C1GALT1: variants seen among roughly 807,000 people sequenced by gnomAD.
C1GALT1 encodes the protein core 1 synthase, glycoprotein-N-acetylgalactosamine 3-beta-galactosyltransferase 1.
C1GALT1 carries 11 observed loss-of-function variants against 31.0 expected under a neutral mutation model. The observed-to-expected ratio is 0.36, with a 90% confidence interval of 0.22 to 0.59. C1GALT1 has a LOEUF of 0.59. Ranked by LOEUF, C1GALT1 falls within the 20% of genes least tolerant of loss-of-function variation. C1GALT1 has a pLI of 0.79. For missense variants in C1GALT1, 424 were observed against 425.2 expected (o/e 1.00, Z 0.03); for synonymous variants, 175 against 143.6 (o/e 1.22, Z -1.56).
At chr7:7,176,591 C>T (rs1357489230) in intron 2 of C1GALT1, among the ~76,000 whole-genome samples, 1 of 152,212 alleles carries the variant, frequency 6.6e-6, no homozygotes, top group Non-Finnish European at 1.5e-5. Context: ...TCAGTGCACA[C>T]GTGACAGTCT....
intron 2 of C1GALT1, among the ~76,000 whole-genome samples, chr7:7,165,625 C>G (rs1414991311): frequency 6.6e-6 from 1 of 152,040 alleles, no homozygotes. Flanking sequence ...GCATGTACTG[C>G]TATATCTTTT....
chr7:7,163,867 A>C (rs1312777256), intron 2 of C1GALT1, among the ~76,000 whole-genome samples: 1 of 151,562 alleles, frequency 6.6e-6, no homozygotes, highest in Admixed American at 6.6e-5. Flanking sequence ...GGAAGAATCA[A>C]TATCGTGAAA....
chr7:7,194,415 G>T (rs1469206455), intron 1 of C1GALT1, among the ~76,000 whole-genome samples: 3 of 152,082 alleles, frequency 2.0e-5, no homozygotes, highest in African/African-American at 7.2e-5. Context: ...TGCCTTTTCT[G>T]TGTCTATTGA....
rs754922077 is a variant in C1GALT1, at chr7:7,238,439, A to C, written c.405A>C (p.Lys135Asn). The change falls in exon 3 of 4, where the codon AAA becomes AAC. Residue 135 changes from lysine (K) to asparagine (N), a missense_variant. By Grantham distance (94) the Lys-to-Asn change is moderately conservative. This residue lies in a region of C1GALT1 where 189 missense variants were observed against 158.2 expected (regional missense o/e 1.19). Coordinates refer to ENST00000436587, the MANE Select transcript of C1GALT1 (RefSeq NM_020156.5). This position sits in a 1 kb window ranked among gnomAD's most constrained non-coding sequence, Gnocchi z 5.2. ...AAGACTTCCCTGCTGTGGGACTGAA[A>C]ACCAAAGAAGGCAGAGATCAACTAT... ...ENKDFPAVGL[K>N]TKEGRDQLYW... 6.2e-6 allele frequency: 10 copies of C among 1,613,802 alleles called. No individual in the cohort carries two copies. The highest frequency in any genetic ancestry group is 4.2e-6 in the Non-Finnish European group (5 of 1,179,970).
intron 2 of C1GALT1, among the ~76,000 whole-genome samples, chr7:7,236,262 C>G (rs1583832310): frequency 6.6e-6 from 1 of 152,176 alleles, no homozygotes; most frequent in East Asian, 1.9e-4. Flanking sequence ...CAGCCCATGC[C>G]CAGTACAAAG....
chr7:7,215,970 C>T (rs1331383859), intron 1 of C1GALT1, among the ~76,000 whole-genome samples: 1 of 151,996 alleles, frequency 6.6e-6, no homozygotes, highest in African/African-American at 2.4e-5. Context: ...AGATGATTTC[C>T]CTGAAAGTTA....
At chr7:7,202,178 C>T (rs1449209305) in intron 1 of C1GALT1, among the ~76,000 whole-genome samples, 1 of 152,216 alleles carries the variant, frequency 6.6e-6, no homozygotes, top group East Asian at 1.9e-4. Flanking sequence ...ATTGGGCACT[C>T]AGAGTTTTTT....
chr7:7,234,166 AG>A, intron 1 of C1GALT1, 136 bp from the exon 2 acceptor site: 1 of 646,914 alleles, frequency 1.5e-6, no homozygotes. Flanking sequence ...CAGCAAATAG[AG>A]GGGTAAACTC....
At chr7:7,159,879 G>T (rs1352107636) in intron 2 of C1GALT1, among the ~76,000 whole-genome samples, 1 of 152,036 alleles carries the variant, frequency 6.6e-6, no homozygotes, top group East Asian at 1.9e-4. Flanking sequence ...ACATGTAATG[G>T]AAGAAAAGGG....
chr7:7,190,126 G>GGAAA (rs1260545829), intron 1 of C1GALT1, among the ~76,000 whole-genome samples: 1 of 152,164 alleles, frequency 6.6e-6, no homozygotes, highest in Non-Finnish European at 1.5e-5. Flanking sequence ...GCACAGCAGA[G>GGAAA]GAAATGTCAG....
In C1GALT1 at chr7:7,167,462, A is replaced by C. The variant is rs555991628; in HGVS notation, c.-18+10036A>C. Among the ~76,000 whole-genome samples the C allele has an allele frequency of 6.6e-5, 10 of 152,314 alleles. No individual in the cohort carries two copies. The South Asian group carries it at 2.1e-3, about 32-fold the overall frequency. On this transcript the variant is annotated intron_variant, in intron 2 of 3. Coordinates refer to the C1GALT1 transcript ENST00000429911. ...TATTTAAACTACATGTAAATTTATA[A>C]AATATATAAACAATGATAAATCTCC...
At chr7:7,230,829 A>G (rs910720869) in intron 1 of C1GALT1, among the ~76,000 whole-genome samples, 2 of 151,750 alleles carry the variant, frequency 1.3e-5, no homozygotes, top group Non-Finnish European at 2.9e-5. Flanking sequence ...CTTAAACTCT[A>G]TGGATCCTCC....
intron 1 of C1GALT1, among the ~76,000 whole-genome samples, chr7:7,218,912 C>A (rs1388933544): frequency 6.6e-6 from 1 of 151,438 alleles, no homozygotes; most frequent in Admixed American, 6.6e-5. Flanking sequence ...CGGCTCACTG[C>A]AAGCTCCGCC....
chr7:7,208,134 G>C (rs1338814898), intron 1 of C1GALT1, among the ~76,000 whole-genome samples: 1 of 152,092 alleles, frequency 6.6e-6, no homozygotes, highest in Non-Finnish European at 1.5e-5. Flanking sequence ...TCACTTAGCA[G>C]CTGTCTTGAT....
rs77393558 is a variant in C1GALT1 at position 7,188,547 on chromosome 7, T to A, written c.-18+5727T>A. On this transcript the variant is annotated intron_variant, in intron 1 of 3. Coordinates refer to ENST00000436587, the MANE Select transcript of C1GALT1 (RefSeq NM_020156.5). ...TATTTAATTTTTATCAGAAAAGTAATGTGTGTACCCGATGCAAAATTAAAA... is the reference window on the plus strand; with the variant it reads ...TATTTAATTTTTATCAGAAAAGTAAAGTGTGTACCCGATGCAAAATTAAAA... Among the ~76,000 whole-genome samples the A allele has an allele frequency of 2.6e-3, 393 of 152,140 alleles. 1 individual carries two copies. Among genetic ancestry groups the A allele is most frequent in the African/African-American group, 9.2e-3 (382 of 41,484 alleles).
chr7:7,157,622 T>C (rs1478084657), intron 2 of C1GALT1, among the ~76,000 whole-genome samples: 1 of 152,234 alleles, frequency 6.6e-6, no homozygotes, highest in Non-Finnish European at 1.5e-5. Flanking sequence ...TCTAAGATTA[T>C]ATTTATTTCA....
intron 1 of C1GALT1, among the ~76,000 whole-genome samples, chr7:7,188,488 T>C (rs751869424): frequency 2.6e-5 from 4 of 152,204 alleles, no homozygotes; most frequent in Non-Finnish European, 5.9e-5. Context: ...TTTTATCATA[T>C]TATTTCACTC....
intron 1 of C1GALT1, among the ~76,000 whole-genome samples, chr7:7,230,554 G>T (rs1040571409): frequency 6.8e-6 from 1 of 146,788 alleles, no homozygotes; most frequent in Admixed American, 6.8e-5. Flanking sequence ...TATAATCATT[G>T]ATATGTTTGG....
At chr7:7,183,686 C>A in intron 1 of C1GALT1, 1 of 785,622 alleles carries the variant, frequency 1.3e-6, no homozygotes, top group Non-Finnish European at 1.5e-6. Flanking sequence ...CCCACCACCC[C>A]GCATTTAAAG....
Sources: gnomAD v4.1 joint callset for allele counts (sites outside exome capture counted in the v4.1 genomes callset) on GRCh38, gnomAD v4.1.1 for gene constraint, gnomAD v4.1.1 regional missense constraint, Gnocchi (gnomAD v3.1) non-coding constraint, MANE v1.5 for transcripts, NCBI Gene and HGNC (gene_info 2026-07-23, HGNC 2026-07-21) for gene names.